The following SLC27A6 variants were observed in gnomAD, a reference collection of about 807,000 sequenced individuals.
The protein encoded by SLC27A6 is long-chain fatty acid transport protein 6.
In SLC27A6, 74 loss-of-function variants were observed where a neutral mutation model predicts 63.9. The observed-to-expected ratio is 1.16, with a 90% CI of 0.96 to 1.40. SLC27A6 has a LOEUF of 1.40. SLC27A6 is among the 40% of genes most tolerant of loss of function. The pLI is 0.00. For missense variants in SLC27A6, 794 were observed against 732.9 expected (o/e 1.08, Z -0.96); for synonymous variants, 287 against 260.8 (o/e 1.10, Z -0.97).
chr5:128,974,169 A>G (rs1404561063), intron 1 of SLC27A6, among the ~76,000 whole-genome samples: 1 of 152,136 alleles, frequency 6.6e-6, no homozygotes, highest in African/African-American at 2.4e-5. Flanking sequence ...TTTTCTGTTG[A>G]CCGAATTGTT....
chr5:129,027,120 T>C lies in SLC27A6; in HGVS notation c.1256-13T>C. On this transcript the variant is annotated splice_polypyrimidine_tract_variant and intron_variant, in intron 6 of 9. Transcript: ENST00000262462. The stretch of plus-strand genomic sequence containing the variant: ...TAATCAGATGGCTGCAAAAATGTCG[T>C]TCTTTCTTGCAGGAGAACCTGGACT... 1 of 1,610,494 alleles carries C rather than the reference T, an allele frequency of 6.2e-7. No homozygotes were observed. Among genetic ancestry groups the C allele is most frequent in the Non-Finnish European group, 8.5e-7 (1 of 1,177,090 alleles).
At chr5:128,976,165 G>T (rs1750370501) in intron 1 of SLC27A6, among the ~76,000 whole-genome samples, 1 of 152,056 alleles carries the variant, frequency 6.6e-6, no homozygotes, top group South Asian at 2.1e-4. Flanking sequence ...GATAATAAAA[G>T]TTCACATGAG....
intron 1 of SLC27A6, among the ~76,000 whole-genome samples, chr5:128,975,505 C>T (rs1464972807): frequency 3.4e-5 from 3 of 88,540 alleles, no homozygotes; most frequent in Non-Finnish European, 9.4e-5. Flanking sequence ...AAACTTGTAC[C>T]AGGATATTAC....
chr5:129,020,192 G>C (rs540804591), intron 5 of SLC27A6, among the ~76,000 whole-genome samples: 15 of 152,220 alleles, frequency 9.9e-5, no homozygotes, highest in Non-Finnish European at 1.3e-4. Context: ...TTCTGGCTAA[G>C]TTGCTTCTCA....
intron 1 of SLC27A6, among the ~76,000 whole-genome samples, chr5:128,970,775 C>T (rs997830031): frequency 6.7e-6 from 1 of 148,684 alleles, no homozygotes; most frequent in Non-Finnish European, 1.5e-5. Context: ...CTGCTCTGAT[C>T]TTAGTTATTT....
intron 5 of SLC27A6, among the ~76,000 whole-genome samples, chr5:129,021,329 C>T (rs963724916): frequency 5.0e-4 from 76 of 151,970 alleles, no homozygotes; most frequent in Admixed American, 6.6e-4. Context: ...ACTCTGTTCC[C>T]GACTCTACTA....
chr5:128,967,994 G>A (rs1239394525), intron 1 of SLC27A6, among the ~76,000 whole-genome samples: 1 of 151,794 alleles, frequency 6.6e-6, no homozygotes, highest in Admixed American at 6.6e-5. Flanking sequence ...TCCCACCTAT[G>A]AGTGAGAACA....
chr5:128,990,026 TGAA>T (rs1285221045), intron 3 of SLC27A6, among the ~76,000 whole-genome samples: 2 of 152,208 alleles, frequency 1.3e-5, no homozygotes, highest in Non-Finnish European at 2.9e-5. Context: ...TTGGCTTCTA[TGAA>T]GAAGGATGAC....
At chr5:129,024,561 C>T (rs1752174333) in intron 6 of SLC27A6, among the ~76,000 whole-genome samples, 1 of 152,048 alleles carries the variant, frequency 6.6e-6, no homozygotes, top group Non-Finnish European at 1.5e-5. Flanking sequence ...CTTTCCTCTC[C>T]TCAGCTTCTC....
intron 7 of SLC27A6, among the ~76,000 whole-genome samples, chr5:129,027,908 A>G (rs574447648): frequency 1.4e-4 from 22 of 152,206 alleles, no homozygotes; most frequent in Non-Finnish European, 2.8e-4. Context: ...GTTAACACCT[A>G]GAAATTTAAG....
intron 2 of SLC27A6, among the ~76,000 whole-genome samples, chr5:128,987,975 C>G (rs2150135424): frequency 6.6e-6 from 1 of 151,768 alleles, no homozygotes; most frequent in East Asian, 1.9e-4. Flanking sequence ...GAGACTGGTC[C>G]CAGTAAAAGT....
chr5:129,006,074 T>TTTTTTTTTTTTTTTTG (rs1751517468), intron 4 of SLC27A6, among the ~76,000 whole-genome samples: 3 of 49,640 alleles, frequency 6.0e-5, no homozygotes, highest in African/African-American at 1.9e-4. Flanking sequence ...GCACACTGTT[T>TTTTTTTTTTTTTTTTG]TTTTTTTTTT....
chr5:128,976,611 G>T (rs548340167), intron 1 of SLC27A6, among the ~76,000 whole-genome samples: 1 of 152,138 alleles, frequency 6.6e-6, no homozygotes, highest in South Asian at 2.1e-4. Context: ...TGCCTTTATG[G>T]TTGAAAGTCA....
At chr5:128,970,453 T>G (rs1750102019) in intron 1 of SLC27A6, among the ~76,000 whole-genome samples, 1 of 152,224 alleles carries the variant, frequency 6.6e-6, no homozygotes. Context: ...ATTGGTCTAT[T>G]CAGAGATTCA....
At chr5:128,991,612 G>C (rs1234622192) in intron 4 of SLC27A6, among the ~76,000 whole-genome samples, 1 of 151,842 alleles carries the variant, frequency 6.6e-6, no homozygotes, top group African/African-American at 2.4e-5. Flanking sequence ...TTAAAATGCT[G>C]TTCTTTAAAA....
chr5:128,998,804 T>C (rs578225934), intron 4 of SLC27A6, among the ~76,000 whole-genome samples: 1 of 152,316 alleles, frequency 6.6e-6, no homozygotes, highest in African/African-American at 2.4e-5. Flanking sequence ...AGGTCAGAAA[T>C]GGTTAATCTT....
At chr5:128,989,737 A>G (rs1471057110) in intron 3 of SLC27A6, among the ~76,000 whole-genome samples, 2 of 152,058 alleles carry the variant, frequency 1.3e-5, no homozygotes, top group East Asian at 3.9e-4. Flanking sequence ...ATCCTGGCTA[A>G]CACGGTGAAA....
At chr5:129,028,908 ATGT>A in intron 8 of SLC27A6, among the ~76,000 whole-genome samples, 1 of 152,120 alleles carries the variant, frequency 6.6e-6, no homozygotes, top group Non-Finnish European at 1.5e-5. Context: ...TTGTCTCATG[ATGT>A]TGAAAATGCC....
chr5:129,011,340 TAATGTTTGTA>T (rs1175053891), intron 4 of SLC27A6, among the ~76,000 whole-genome samples: 1 of 152,196 alleles, frequency 6.6e-6, no homozygotes, highest in African/African-American at 2.4e-5. Context: ...GAAGAAATCA[TAATGTTTGTA>T]AATGTTTGTT....
Sources: gnomAD v4.1 joint callset for allele counts (sites outside exome capture counted in the v4.1 genomes callset) on GRCh38, gnomAD v4.1.1 for gene constraint, MANE v1.5 for transcripts, NCBI Gene and HGNC (gene_info 2026-07-23, HGNC 2026-07-21) for gene names.